Variants in PHC2 observed in about 807,000 individuals in gnomAD.
The protein encoded by PHC2 is polyhomeotic homolog 2.
Under a neutral mutation model 87.4 loss-of-function variants are expected in PHC2, and 29 were observed. The observed-to-expected ratio is 0.33, with a 90% confidence interval of 0.25 to 0.45. PHC2 has a LOEUF of 0.45. Ranked by LOEUF, PHC2 falls within the 20% of genes least tolerant of loss-of-function variation. The pLI, the probability that PHC2 is intolerant of heterozygous loss-of-function variation, is 1.00. For synonymous variants in PHC2, 438 were observed against 461.7 expected, an observed-to-expected ratio of 0.95 and a Z score of 0.66; for missense variants, 857 against 1,136.7, an observed-to-expected ratio of 0.75 and a Z score of 3.54.
chr1:33,348,673 T>C (rs1413977533), intron 9 of PHC2, among the ~76,000 whole-genome samples: 1 of 152,116 alleles, frequency 6.6e-6, no homozygotes, highest in Non-Finnish European at 1.5e-5. Flanking sequence ...GGAGAGGGGA[T>C]TAAAGATCAA....
At chr1:33,423,676 C>T (rs552477446) in intron 1 of PHC2, among the ~76,000 whole-genome samples, 2 of 152,148 alleles carry the variant, frequency 1.3e-5, no homozygotes, top group African/African-American at 4.8e-5. Context: ...GTTCACATTA[C>T]CCTATACTAA....
chr1:33,362,338 A>T (rs1570485265), intron 7 of PHC2, among the ~76,000 whole-genome samples: 1 of 152,288 alleles, frequency 6.6e-6, no homozygotes, highest in Admixed American at 6.5e-5. Context: ...GGACCTCGCA[A>T]TTGTGGACAG....
At chr1:33,373,275 A>G (rs1408905708) in intron 2 of PHC2, among the ~76,000 whole-genome samples, 1 of 151,922 alleles carries the variant, frequency 6.6e-6, no homozygotes, top group Non-Finnish European at 1.5e-5. Context: ...CCGCCACCAC[A>G]CCTGGCTAAT....
intron 1 of PHC2, among the ~76,000 whole-genome samples, chr1:33,415,872 T>C (rs971976095): frequency 3.9e-5 from 6 of 152,068 alleles, no homozygotes; most frequent in African/African-American, 1.2e-4. Context: ...AAACCAAAAA[T>C]AGACTGGATG....
chr1:33,334,067 A>T lies in PHC2; in HGVS notation c.1761+23T>A. 1.9e-6 allele frequency: 3 copies of T among 1,539,300 alleles called. No individual in the cohort carries two copies. Among genetic ancestry groups the T allele is most frequent in the Non-Finnish European group, 2.6e-6 (3 of 1,132,562 alleles). ...CATCCAAAATATACTTAAAAAAAAA[A>T]GGGGAAAAGAAGTAGTCCGTACCGG... is the stretch of plus-strand genomic sequence containing the variant. On this transcript the variant is annotated intron_variant, in intron 10 of 14. Coordinates refer to ENST00000683057, the MANE Select transcript of PHC2 (RefSeq NM_001385109.1). This position sits in a 1 kb window ranked among gnomAD's most constrained non-coding sequence, Gnocchi z 5.5.
At chr1:33,347,338 A>G in intron 9 of PHC2, 1 of 985,458 alleles carries the variant, frequency 1.0e-6, no homozygotes, top group African/African-American at 1.7e-5. Flanking sequence ...TGAGATGATG[A>G]GACCCACAGC....
intron 7 of PHC2, among the ~76,000 whole-genome samples, chr1:33,361,500 C>T (rs997021284): frequency 3.3e-5 from 5 of 152,172 alleles, no homozygotes; most frequent in Admixed American, 2.6e-4. Context: ...GCCACCACAC[C>T]TGGCTAATTT....
chr1:33,370,562 T>C lies in PHC2; in HGVS notation c.435A>G (p.Ala145=). 2.5e-6 allele frequency: 4 copies of C among 1,613,460 alleles called. No individual in the cohort carries two copies. Among genetic ancestry groups the C allele is most frequent in the Non-Finnish European group, 1.7e-6 (2 of 1,179,482 alleles). ...SSSINLAASP[A]AAQLLNRAQS... ...GGGCCCGGTTGAGGAGCTGGGCTGCTGCTGGGGAGGCTGCCAGGTTGATCT... is the reference window on the plus strand; with the variant it reads ...GGGCCCGGTTGAGGAGCTGGGCTGCCGCTGGGGAGGCTGCCAGGTTGATCT... The change falls in exon 5 of 15, where the codon GCA becomes GCG. Residue 145 remains alanine (A), a synonymous_variant. Transcript: ENST00000683057.
At chr1:33,396,459 T>C (rs1392625642) in intron 1 of PHC2, among the ~76,000 whole-genome samples, 1 of 152,242 alleles carries the variant, frequency 6.6e-6, no homozygotes, top group Admixed American at 6.5e-5. Context: ...TCATTTCCAC[T>C]GCCAGTGCAT....
intron 1 of PHC2, among the ~76,000 whole-genome samples, chr1:33,400,338 A>G (rs966150444): frequency 2.0e-5 from 3 of 152,256 alleles, no homozygotes; most frequent in African/African-American, 7.2e-5. Context: ...AAGGATATTC[A>G]CCACTGCATT....
At chr1:33,408,403 C>T (rs1190460597) in intron 1 of PHC2, among the ~76,000 whole-genome samples, 1 of 152,164 alleles carries the variant, frequency 6.6e-6, no homozygotes, top group Admixed American at 6.5e-5. Flanking sequence ...CCTGACTAGA[C>T]AGTAAGCTCT....
At chr1:33,425,639 T>C (rs1650638817) in intron 1 of PHC2, among the ~76,000 whole-genome samples, 1 of 152,210 alleles carries the variant, frequency 6.6e-6, no homozygotes, top group South Asian at 2.1e-4. Context: ...GAATTGAGTC[T>C]TAAAAGATAA....
At chr1:33,392,359 T>G (rs2763038) in intron 1 of PHC2, among the ~76,000 whole-genome samples, 109,365 of 152,086 alleles carry the variant, frequency 0.72, 40,137 homozygotes, top group African/African-American at 0.87. Context: ...AAGCATGCTT[T>G]TTTTTTCTGT....
chr1:33,350,748 CTTCT>C (rs1032168369), intron 9 of PHC2, among the ~76,000 whole-genome samples: 3 of 152,094 alleles, frequency 2.0e-5, no homozygotes, highest in Non-Finnish European at 4.4e-5. Context: ...CTCATCCCAT[CTTCT>C]TTGTTTACAT....
chr1:33,387,054 C>T (rs1648799175), intron 1 of PHC2, among the ~76,000 whole-genome samples: 1 of 152,220 alleles, frequency 6.6e-6, no homozygotes, highest in South Asian at 2.1e-4. Context: ...GGCTAATTAT[C>T]AGGCTTTCAG....
At chr1:33,413,219 G>A (rs1307173790) in intron 1 of PHC2, among the ~76,000 whole-genome samples, 6 of 152,098 alleles carry the variant, frequency 3.9e-5, no homozygotes, top group African/African-American at 1.2e-4. Flanking sequence ...CCCCCGCCTC[G>A]GCCTCCCAAA....
rs1050662565 is a variant in PHC2, at chr1:33,381,917, G to T, written c.-54-6324C>A. On this transcript the variant is annotated intron_variant, in intron 1 of 14. Coordinates refer to ENST00000683057, the MANE Select transcript of PHC2 (RefSeq NM_001385109.1). ...CTATGCAAGAACGGAGACCCAGTGT[G>T]GGGGAGGTAAGTGACTTGGGGTGAT... Among the ~76,000 whole-genome samples, 3 of 151,994 alleles carry T rather than the reference G, an allele frequency of 2.0e-5. No individual in the cohort carries two copies. The South Asian group carries it at 6.2e-4, about 32-fold the overall frequency.
intron 14 of PHC2, chr1:33,325,927 A>C (rs1235930400): frequency 2.2e-6 from 1 of 456,466 alleles, no homozygotes; most frequent in East Asian, 7.0e-5. Flanking sequence ...TGTATATAGA[A>C]GTCTCATGGC....
chr1:33,411,498 A>G (rs1649979859), intron 1 of PHC2, among the ~76,000 whole-genome samples: 1 of 152,190 alleles, frequency 6.6e-6, no homozygotes, highest in African/African-American at 2.4e-5. Flanking sequence ...TTTAACATAA[A>G]AAAATCTAGC....
Sources: gnomAD v4.1 joint callset for allele counts (sites outside exome capture counted in the v4.1 genomes callset) on GRCh38, gnomAD v4.1.1 for gene constraint, Gnocchi (gnomAD v3.1) non-coding constraint, MANE v1.5 for transcripts, NCBI Gene and HGNC (gene_info 2026-07-23, HGNC 2026-07-21) for gene names.